KIRREL2: variants seen among roughly 807,000 people sequenced by gnomAD.
KIRREL2 encodes kirre like nephrin family adhesion molecule 2, also known as kin of IRRE-like protein 2.
A neutral mutation model predicts 73.4 loss-of-function variants in KIRREL2; 56 were observed. That is an observed-to-expected ratio of 0.76 (90% CI 0.62 to 0.95). The LOEUF (loss-of-function observed/expected upper bound fraction) is 0.95, where lower values mean the gene tolerates loss of function less well. Among genes scored for constraint, KIRREL2 ranks in the 40% least tolerant of loss-of-function variants. The probability of loss-of-function intolerance (pLI) is 0.00; values close to 1 mark genes in which losing one functional copy is unlikely to be tolerated. For missense variants in KIRREL2, 896 were observed against 935.0 expected, an observed-to-expected ratio of 0.96 and a Z score of 0.54; for synonymous variants, 407 against 404.0, an observed-to-expected ratio of 1.01 and a Z score of -0.09.
rs543151636 is a variant in KIRREL2 at position 35,859,571 on chromosome 19, C to T, written c.613C>T (p.Arg205Trp). Residue 205 changes from arginine to tryptophan, a missense_variant, in exon 5 of 15, where the codon CGG (arginine) becomes TGG (tryptophan). Arg to Trp is a moderately radical substitution (Grantham distance 101). Coordinates refer to ENST00000360202, the MANE Select transcript of KIRREL2 (RefSeq NM_199180.4). ...TGATGATGGAGCCACCTTTGTCTGC[C>T]GGGCCCGGAGCCAGGCCCTGCCCAC... ...SHDDGATFVC[R>W]ARSQALPTGR... is the part of the protein sequence containing the mutation. 1.8e-4 allele frequency: 292 copies of T among 1,614,068 alleles called. 1 individual carries two copies. In the South Asian group the frequency reaches 2.8e-3, roughly 16 times the overall value.
chr19:35,864,743 C>T (rs1249153478), intron 14 of KIRREL2, 30 bp downstream of exon 14: 1 of 1,539,606 alleles, frequency 6.5e-7, no homozygotes, highest in East Asian at 2.2e-5. Flanking sequence ...GGGCTCCCTT[C>T]ACTGTTGGGA....
chr19:35,854,825 T>C (rs895571902), upstream of KIRREL2, among the ~76,000 whole-genome samples: 3 of 152,078 alleles, frequency 2.0e-5, no homozygotes, highest in African/African-American at 7.2e-5. Context: ...TCCATAAATA[T>C]TTGTTCTCAG....
rs745984587 is a variant in KIRREL2 at position 35,862,617 on chromosome 19, C to T, written c.1615+20C>T. ...GCAAGGGTTAGTGCCTGAGCCCCGCCCCGGCTCCCGAGGCCCCAGCCCCAC... is the reference window on the plus strand; with the variant it reads ...GCAAGGGTTAGTGCCTGAGCCCCGCTCCGGCTCCCGAGGCCCCAGCCCCAC... On this transcript the variant is annotated intron_variant, in intron 12 of 14. Coordinates refer to ENST00000360202, the MANE Select transcript of KIRREL2 (RefSeq NM_199180.4). 6 of 1,569,916 alleles carry T rather than the reference C, an allele frequency of 3.8e-6. No individual in the cohort carries two copies. The highest frequency in any genetic ancestry group is 4.3e-6 in the Non-Finnish European group (5 of 1,149,672).
intron 13 of KIRREL2, among the ~76,000 whole-genome samples, chr19:35,864,182 G>GTTGTTC (rs1467052656): frequency 6.6e-6 from 1 of 151,074 alleles, no homozygotes; most frequent in African/African-American, 2.4e-5. Flanking sequence ...CGTTTTTGTT[G>GTTGTTC]TTGTTGTTGT....
In KIRREL2 at chr19:35,857,125, C is replaced by T; in HGVS notation, c.6C>T (p.Leu2=). The change falls in exon 1 of 15, where the codon CTC becomes CTT. Residue 2 remains leucine, a synonymous_variant. Coordinates refer to ENST00000360202, the MANE Select transcript of KIRREL2 (RefSeq NM_199180.4). M[L]RMRVPALLVL... is the part of the protein sequence containing the mutation. ...TCGTGAACCTTGGGGGACGAATGCT[C>T]AGGATGCGGGTCCCCGCCCTCCTCG... 6.2e-7 allele frequency: 1 copy of T among 1,613,234 alleles called. No individual in the cohort carries two copies. Among genetic ancestry groups the T allele is most frequent in the Non-Finnish European group, 8.5e-7 (1 of 1,179,976 alleles).
intron 4 of KIRREL2, 67 bp downstream of exon 4, chr19:35,858,931 G>A: frequency 6.5e-7 from 1 of 1,542,916 alleles, no homozygotes; most frequent in Admixed American, 1.7e-5. Context: ...TCTGACCACA[G>A]GCTCATCCAG....
intron 2 of KIRREL2, among the ~76,000 whole-genome samples, chr19:35,857,737 G>T (rs562818556): frequency 2.6e-5 from 4 of 152,166 alleles, no homozygotes; most frequent in Admixed American, 1.3e-4. Context: ...TAATCCCAAC[G>T]CTTTGGGAGG....
In KIRREL2 at chr19:35,857,075, G is replaced by T. The variant is rs573141957; in HGVS notation, c.-45G>T. ...GCGTGCTTGAGAGGAAGAAGTTGAC[G>T]GGAAGGCCAGTGCGACGGCAAATCT... On this transcript the variant is annotated 5_prime_UTR_variant, in exon 1 of 15. Transcript: ENST00000360202. 6.2e-7 allele frequency: 1 copy of T among 1,606,950 alleles called. No homozygotes were observed. Among genetic ancestry groups the T allele is most frequent in the Non-Finnish European group, 8.5e-7 (1 of 1,173,634 alleles).
upstream of KIRREL2, among the ~76,000 whole-genome samples, chr19:35,852,316 C>T (rs1973292177): frequency 6.6e-6 from 1 of 151,974 alleles, no homozygotes; most frequent in South Asian, 2.1e-4. Context: ...CTCTCTCTCT[C>T]TCTCTCTCTC....
At chr19:35,855,087 C>T (rs1973376255), upstream of KIRREL2, among the ~76,000 whole-genome samples, 1 of 152,138 alleles carries the variant, frequency 6.6e-6, no homozygotes, top group Non-Finnish European at 1.5e-5. Context: ...TGGCCTCAGC[C>T]CCCAGCTTCA....
In KIRREL2 at chr19:35,859,512, T is replaced by C; in HGVS notation, c.554T>C (p.Val185Ala). Residue 185 changes from valine to alanine, a missense_variant, in exon 5 of 15, where the codon GTG becomes GCG. Val to Ala is a moderately conservative substitution (Grantham distance 64). Coordinates refer to ENST00000360202, the MANE Select transcript of KIRREL2 (RefSeq NM_199180.4). ...CTGAAGGAAGGGACCCCTGGGTCAG[T>C]GGAGAGCACCTTAACCCTGACCCCT... is the stretch of plus-strand genomic sequence containing the variant. ...TLLKEGTPGSVESTLTLTPFS... is the reference protein window; with the variant it reads ...TLLKEGTPGSAESTLTLTPFS... 2 of 1,614,120 alleles carry C rather than the reference T, an allele frequency of 1.2e-6. No individual in the cohort carries two copies. The highest frequency in any genetic ancestry group is 1.7e-4 in the Middle Eastern group (1 of 6,060).
upstream of KIRREL2, among the ~76,000 whole-genome samples, chr19:35,852,116 A>T (rs1599849394): frequency 7.8e-6 from 1 of 128,182 alleles, no homozygotes. Context: ...TTTTTTAGAG[A>T]CGGGGTCTCA....
At chr19:35,857,553 G>T (rs1599857100) in intron 2 of KIRREL2, 59 bp downstream of exon 2, 1 of 1,451,430 alleles carries the variant, frequency 6.9e-7, no homozygotes. Flanking sequence ...GCTGGGCTCG[G>T]CTGTACCTGC....
At chr19:35,863,363 G>A (rs1369301567) in intron 13 of KIRREL2, among the ~76,000 whole-genome samples, 4 of 151,894 alleles carry the variant, frequency 2.6e-5, no homozygotes, top group African/African-American at 9.7e-5. Context: ...GGTAAAGGCT[G>A]CAGTGAGCTA....
chr19:35,858,674 T>G, intron 3 of KIRREL2, 30 bp from the exon 4 acceptor site: 1 of 1,612,542 alleles, frequency 6.2e-7, no homozygotes, highest in Non-Finnish European at 8.5e-7. Context: ...AAGATCAGGA[T>G]CCATCTCTGA....
At position 35,859,591 on chromosome 19, in the gene KIRREL2, G is replaced by GCCCACAGGAAGAGACACAGCT. The variant is rs1295406641; in HGVS notation, c.634_654dup (p.Pro212_Ala218dup). ...TCTGCCGGGCCCGGAGCCAGGCCCT[G>GCCCACAGGAAGAGACACAGCT]CCCACAGGAAGAGACACAGCTATCA... On this transcript the variant is annotated inframe_insertion, in exon 5 of 15. Coordinates refer to ENST00000360202, the MANE Select transcript of KIRREL2 (RefSeq NM_199180.4). The GCCCACAGGAAGAGACACAGCT allele has an allele frequency of 6.2e-7, 1 of 1,613,960 alleles. No individual in the cohort carries two copies. The highest frequency in any genetic ancestry group is 8.5e-7 in the Non-Finnish European group (1 of 1,180,040).
In KIRREL2 at chr19:35,862,963, G is replaced by A. The variant is rs894253941; in HGVS notation, c.1652G>A (p.Arg551Gln). 8.2e-6 allele frequency: 13 copies of A among 1,589,442 alleles called. No individual in the cohort carries two copies. The highest frequency in any genetic ancestry group is 1.0e-5 in the Non-Finnish European group (12 of 1,168,144). ...TTCTCCGAGCAAAAGAACCTGATGC[G>A]AATCCCTGGCAGCAGCGACGGCTCC... ...ASFSEQKNLM[R>Q]IPGSSDGSSS... The change falls in exon 13 of 15, where the codon CGA becomes CAA. Residue 551 changes from arginine (R) to glutamine (Q), a missense_variant. Physicochemically the swap from Arg to Gln is conservative, Grantham distance 43. Coordinates refer to ENST00000360202, the MANE Select transcript of KIRREL2 (RefSeq NM_199180.4).
At position 35,857,415 on chromosome 19, in the gene KIRREL2, G is replaced by T. The variant is rs200714391; in HGVS notation, c.132G>T (p.Pro44=). ...TGCTGGGGGAGGAAGCCCGGCTGCC[G>T]TGTGCTCTGGGCGCCTACTGGGGGC... ...VVLLGEEARL[P]CALGAYWGLV... Residue 44 remains proline (P), a synonymous_variant, in exon 2 of 15, where the codon CCG becomes CCT. Coordinates refer to ENST00000360202, the MANE Select transcript of KIRREL2 (RefSeq NM_199180.4). 13 of 1,612,900 alleles carry T rather than the reference G, an allele frequency of 8.1e-6. No individual in the cohort carries two copies. Among genetic ancestry groups the T allele is most frequent in the Admixed American group, 1.7e-5 (1 of 59,952 alleles).
intron 4 of KIRREL2, among the ~76,000 whole-genome samples, chr19:35,859,124 G>T (rs1473825288): frequency 1.3e-5 from 2 of 152,118 alleles, no homozygotes; most frequent in Admixed American, 1.3e-4. Flanking sequence ...TATACAATCA[G>T]GATAATAGTA....
Sources: gnomAD v4.1 joint callset for allele counts (sites outside exome capture counted in the v4.1 genomes callset) on GRCh38, gnomAD v4.1.1 for gene constraint, MANE v1.5 for transcripts, NCBI Gene and HGNC (gene_info 2026-07-23, HGNC 2026-07-21) for gene names.